TESK2: variants seen among roughly 807,000 people sequenced by gnomAD.
The protein encoded by TESK2 is dual specificity testis-specific protein kinase 2.
TESK2 carries 39 observed loss-of-function variants against 57.1 expected under a neutral mutation model. The ratio of observed to expected loss-of-function variants is 0.68; its 90% confidence interval spans 0.53 to 0.89. The LOEUF (loss-of-function observed/expected upper bound fraction) is 0.89. Among genes scored for constraint, TESK2 ranks in the 40% least tolerant of loss-of-function variants. TESK2 has a pLI of 0.00. For missense variants in TESK2, 646 were observed against 732.1 expected (o/e 0.88, Z 1.36); for synonymous variants, 249 against 267.9 (o/e 0.93, Z 0.69).
intron 5 of TESK2, among the ~76,000 whole-genome samples, chr1:45,349,129 C>T (rs1354510166): frequency 6.6e-6 from 1 of 151,318 alleles, no homozygotes; most frequent in Admixed American, 6.6e-5. Context: ...AACCAGCCCT[C>T]CCTCTTCCTT....
intron 2 of TESK2, among the ~76,000 whole-genome samples, chr1:45,450,778 A>T (rs934804034): frequency 6.6e-6 from 1 of 151,336 alleles, no homozygotes; most frequent in African/African-American, 2.4e-5. Flanking sequence ...TTTTTTTTTA[A>T]ATTTTATTAT....
intron 3 of TESK2, among the ~76,000 whole-genome samples, chr1:45,421,315 G>C (rs867416399): frequency 6.6e-6 from 1 of 152,086 alleles, no homozygotes; most frequent in Non-Finnish European, 1.5e-5. Context: ...TAAAAGTTAA[G>C]GATAGATAAC....
chr1:45,396,964 G>A (rs998298008), intron 3 of TESK2, among the ~76,000 whole-genome samples: 2 of 151,522 alleles, frequency 1.3e-5, no homozygotes, highest in Admixed American at 6.6e-5. Context: ...GATTACAAGC[G>A]TGCACCACCA....
chr1:45,465,042 G>A (rs1475040511), intron 1 of TESK2, among the ~76,000 whole-genome samples: 2 of 152,066 alleles, frequency 1.3e-5, no homozygotes, highest in Non-Finnish European at 2.9e-5. Context: ...TTCGAGACCG[G>A]CCTGGCCAAC....
Position 45,490,923 on chromosome 1 carries a change from A to G in TESK2, c.-158T>C. Reference sequence around the variant, plus strand: ...GAGGAGACGGCGGCAAAGAGGGAGCATAGTAACCCTCACAGCTCGTTGGTG... The same window carrying G: ...GAGGAGACGGCGGCAAAGAGGGAGCGTAGTAACCCTCACAGCTCGTTGGTG... On this transcript the variant is annotated 5_prime_UTR_variant, in exon 1 of 11. It removes an upstream start codon present in the reference 5' UTR. Transcript: ENST00000372086. 1 of 152,754 alleles carries G rather than the reference A, an allele frequency of 6.5e-6. No homozygotes were observed. The highest frequency in any genetic ancestry group is 1.5e-5 in the Non-Finnish European group (1 of 68,374). The allele number at this position is 152,754 out of a possible 1,614,324, so 9.5% of individuals were successfully genotyped here.
chr1:45,370,567 T>C (rs1476689271), intron 4 of TESK2, among the ~76,000 whole-genome samples: 3 of 152,102 alleles, frequency 2.0e-5, no homozygotes, highest in African/African-American at 7.2e-5. Flanking sequence ...ATAGGAGGGG[T>C]ACCAAACTAC....
At chr1:45,350,988 A>C (rs1557538813) in intron 5 of TESK2, among the ~76,000 whole-genome samples, 1 of 152,230 alleles carries the variant, frequency 6.6e-6, no homozygotes, top group Non-Finnish European at 1.5e-5. Flanking sequence ...ATAGCCTAAG[A>C]CCATAACTGA....
intron 3 of TESK2, among the ~76,000 whole-genome samples, chr1:45,408,580 G>A: frequency 6.6e-6 from 1 of 152,108 alleles, no homozygotes; most frequent in Non-Finnish European, 1.5e-5. Context: ...TATAAAAAAT[G>A]TTTTAATTTT....
Position 45,345,865 on chromosome 1 carries a change from C to T in TESK2, c.997+12G>A. On this transcript the variant is annotated intron_variant, in intron 10 of 10. Coordinates refer to ENST00000372086, the MANE Select transcript of TESK2 (RefSeq NM_007170.3). ...TTAGGGTTAGGTTGGGCTCCCTGGTCTAATCTCTTACCCCTGGCTGTGGGC... is the reference window on the plus strand; with the variant it reads ...TTAGGGTTAGGTTGGGCTCCCTGGTTTAATCTCTTACCCCTGGCTGTGGGC... 2 of 1,609,550 alleles carry T rather than the reference C, an allele frequency of 1.2e-6. No homozygotes were observed. Among genetic ancestry groups the T allele is most frequent in the South Asian group, 1.1e-5 (1 of 90,946 alleles).
intron 3 of TESK2, chr1:45,413,791 C>T (rs11811066): frequency 2.2e-6 from 1 of 455,764 alleles, no homozygotes; most frequent in South Asian, 1.6e-5. Flanking sequence ...CTGTGTAATC[C>T]TAGGGTTCCA....
chr1:45,383,763 A>G (rs1341395299), intron 4 of TESK2, among the ~76,000 whole-genome samples: 1 of 152,204 alleles, frequency 6.6e-6, no homozygotes, highest in African/African-American at 2.4e-5. Flanking sequence ...ACTCTGGTAG[A>G]CAGAAGGAAG....
At chr1:45,357,476 T>C (rs550529994) in intron 4 of TESK2, among the ~76,000 whole-genome samples, 42 of 150,434 alleles carry the variant, frequency 2.8e-4, no homozygotes, top group African/African-American at 1.0e-3. Flanking sequence ...GAGTAGCAGA[T>C]AAGGTTATGG....
chr1:45,489,908 G>C (rs1249656897), intron 1 of TESK2, among the ~76,000 whole-genome samples: 1 of 152,224 alleles, frequency 6.6e-6, no homozygotes, highest in Non-Finnish European at 1.5e-5. Flanking sequence ...GGAGCGTTGA[G>C]GGTGGTATAA....
rs550314050 is a variant in TESK2, at chr1:45,443,370, G to GC, written c.222+14193dup. ...GCTTGAGGTCAAGAGTTTGAGACCA[G>GC]CCTGGCCAACATGGCAAAACCCCAT... On this transcript the variant is annotated intron_variant, in intron 2 of 10. Transcript: ENST00000372086. Among the ~76,000 whole-genome samples the GC allele has an allele frequency of 3.8e-4, 57 of 151,826 alleles. No homozygotes were observed. The South Asian group carries it at 5.8e-3, about 16-fold the overall frequency.
intron 2 of TESK2, among the ~76,000 whole-genome samples, chr1:45,436,564 A>G (rs1267727234): frequency 4.1e-5 from 5 of 120,618 alleles, no homozygotes; most frequent in African/African-American, 1.6e-4. Context: ...ATCTTGGCTC[A>G]CCGCAACCTC....
At chr1:45,369,722 T>A (rs933347577) in intron 4 of TESK2, among the ~76,000 whole-genome samples, 8 of 151,796 alleles carry the variant, frequency 5.3e-5, no homozygotes, top group Non-Finnish European at 1.2e-4. Flanking sequence ...TTTTCTTTTT[T>A]TTTTTTTGAG....
rs1647169905 is a variant in TESK2 at position 45,347,940 on chromosome 1, C to T, written c.601G>A (p.Ala201Thr). The change falls in exon 6 of 11, where the codon GCT (alanine) becomes ACT (threonine). Residue 201 changes from alanine to threonine, a missense_variant. Transcript: ENST00000372086. Reference protein sequence around the residue: ...YSAVVADFGLAEKIPDVSMGS... With the variant: ...YSAVVADFGLTEKIPDVSMGS... ...CACCTGACATCGGGGATCTTCTCAG[C>T]CAGGCCAAAGTCAGCTACCACTGCA... The T allele has an allele frequency of 1.2e-6, 2 of 1,613,574 alleles. No individual in the cohort carries two copies. Among genetic ancestry groups the T allele is most frequent in the Non-Finnish European group, 1.7e-6 (2 of 1,179,458 alleles).
At chr1:45,468,441 T>A (rs1044227622) in intron 1 of TESK2, among the ~76,000 whole-genome samples, 2 of 152,208 alleles carry the variant, frequency 1.3e-5, no homozygotes, top group Non-Finnish European at 2.9e-5. Flanking sequence ...TAAATGGCTG[T>A]CAATTTATTC....
intron 1 of TESK2, among the ~76,000 whole-genome samples, chr1:45,481,088 G>C (rs540189555): frequency 6.6e-6 from 1 of 151,886 alleles, no homozygotes; most frequent in African/African-American, 2.4e-5. Flanking sequence ...ATAAGCGGCC[G>C]GGCCTGGTGG....
Sources: allele counts gnomAD v4.1 joint callset (sites outside exome capture counted in the v4.1 genomes callset), GRCh38; gene constraint gnomAD v4.1.1; transcripts MANE v1.5; gene names NCBI Gene and HGNC (gene_info 2026-07-23, HGNC 2026-07-21).